NCALD: variants seen among roughly 807,000 people sequenced by gnomAD.
NCALD encodes the protein neurocalcin delta.
In NCALD, 10 loss-of-function variants were observed where a neutral mutation model predicts 18.6. The ratio of observed to expected loss-of-function variants is 0.54; its 90% CI spans 0.33 to 0.91. The LOEUF (loss-of-function observed/expected upper bound fraction) is 0.91, where lower values mean the gene tolerates loss of function less well. Ranked by LOEUF, NCALD falls within the 40% of genes least tolerant of loss-of-function variation. NCALD has a pLI of 0.03. For synonymous variants in NCALD, 88 were observed against 87.4 expected, an observed-to-expected ratio of 1.01 and a Z score of -0.04; for missense variants, 184 against 247.6, an observed-to-expected ratio of 0.74 and a Z score of 1.72.
chr8:102,081,158 C>A (rs981577453), intron 1 of NCALD, among the ~76,000 whole-genome samples: 1 of 152,106 alleles, frequency 6.6e-6, no homozygotes, highest in African/African-American at 2.4e-5. Flanking sequence ...TCTTTTATGA[C>A]CCTTTCTGTT....
At chr8:101,800,604 T>C (rs922233311) in intron 4 of NCALD, among the ~76,000 whole-genome samples, 2 of 151,804 alleles carry the variant, frequency 1.3e-5, no homozygotes, top group Non-Finnish European at 2.9e-5. Context: ...TTAATAGATA[T>C]ATTCTAACTC....
upstream of NCALD, among the ~76,000 whole-genome samples, chr8:101,793,279 G>C (rs1425926681): frequency 6.6e-6 from 1 of 151,806 alleles, no homozygotes; most frequent in Non-Finnish European, 1.5e-5. Flanking sequence ...GAACCTGGGA[G>C]GTGGAGGTTG....
chr8:101,907,968 C>A (rs193196620), intron 3 of NCALD, among the ~76,000 whole-genome samples: 3 of 152,324 alleles, frequency 2.0e-5, no homozygotes, highest in South Asian at 2.1e-4. Flanking sequence ...GGGCTCCCCC[C>A]ATTCTTTAAA....
chr8:102,058,986 AAGGGATTTTCCCCT>A (rs1823750521), intron 1 of NCALD, among the ~76,000 whole-genome samples: 1 of 152,162 alleles, frequency 6.6e-6, no homozygotes, highest in Admixed American at 6.5e-5. Context: ...AAGGCACAAA[AAGGGATTTTCCCCT>A]AAAGTCTCCA....
At chr8:101,720,711 A>G (rs1379672169) in intron 1 of NCALD, among the ~76,000 whole-genome samples, 1 of 152,192 alleles carries the variant, frequency 6.6e-6, no homozygotes. Context: ...AGAATGATTT[A>G]TTTTCCTGAG....
At chr8:102,041,219 A>G (rs1586966186) in intron 1 of NCALD, among the ~76,000 whole-genome samples, 1 of 152,178 alleles carries the variant, frequency 6.6e-6, no homozygotes, top group East Asian at 1.9e-4. Flanking sequence ...ACACATGCCC[A>G]ATGTCCCCTT....
At chr8:101,906,449 C>T (rs1817614131) in intron 3 of NCALD, among the ~76,000 whole-genome samples, 1 of 152,156 alleles carries the variant, frequency 6.6e-6, no homozygotes. Flanking sequence ...AATGATGACT[C>T]AACTTTGCCA....
At chr8:101,808,896 G>A (rs1813206051) in intron 4 of NCALD, among the ~76,000 whole-genome samples, 1 of 151,738 alleles carries the variant, frequency 6.6e-6, no homozygotes, top group South Asian at 2.1e-4. Flanking sequence ...AGAGAGAGAG[G>A]GAGAGAGACA....
At chr8:101,956,711 T>C (rs1484917209) in intron 2 of NCALD, among the ~76,000 whole-genome samples, 3 of 152,042 alleles carry the variant, frequency 2.0e-5, no homozygotes, top group African/African-American at 4.8e-5. Flanking sequence ...AGAAATTATA[T>C]GTACAACAAG....
intron 4 of NCALD, among the ~76,000 whole-genome samples, chr8:101,848,298 A>G (rs1563824017): frequency 6.6e-6 from 1 of 152,146 alleles, no homozygotes; most frequent in East Asian, 1.9e-4. Context: ...TATGGGGAGA[A>G]TAGGAAGGGA....
At chr8:102,103,832 T>C (rs1825363441) in intron 1 of NCALD, among the ~76,000 whole-genome samples, 1 of 152,210 alleles carries the variant, frequency 6.6e-6, no homozygotes, top group African/African-American at 2.4e-5. Context: ...TTTTGGCATA[T>C]GAGGGGACTT....
At chr8:101,908,954 G>C (rs936160545) in intron 3 of NCALD, among the ~76,000 whole-genome samples, 1 of 152,130 alleles carries the variant, frequency 6.6e-6, no homozygotes, top group African/African-American at 2.4e-5. Flanking sequence ...AAATGGGCCA[G>C]TTTTCCAAAA....
intron 4 of NCALD, among the ~76,000 whole-genome samples, chr8:101,847,595 G>T (rs1814921588): frequency 6.6e-6 from 1 of 152,126 alleles, no homozygotes; most frequent in Non-Finnish European, 1.5e-5. Context: ...TTGTTTGGGG[G>T]TCCATGTTAT....
At chr8:102,107,384 A>G (rs1436768491) in intron 1 of NCALD, among the ~76,000 whole-genome samples, 1 of 151,926 alleles carries the variant, frequency 6.6e-6, no homozygotes, top group African/African-American at 2.4e-5. Flanking sequence ...TTTGTTTGGC[A>G]TTCTTTTCTA....
At position 102,007,305 on chromosome 8, in the gene NCALD, C is replaced by T. The variant is rs139594251; in HGVS notation, c.-157+12932G>A. Among the ~76,000 whole-genome samples, 547 of 152,318 alleles carry T rather than the reference C, an allele frequency of 3.6e-3. 2 individuals carry two copies. Among genetic ancestry groups the T allele is most frequent in the African/African-American group, 0.013 (522 of 41,572 alleles). On this transcript the variant is annotated intron_variant, in intron 2 of 6. Coordinates refer to the NCALD transcript ENST00000311028. ...GGAAATACAGGAACTCTTTGTACTACATTTGCAACATTTTGTTTCAACATT... is the reference window on the plus strand; with the variant it reads ...GGAAATACAGGAACTCTTTGTACTATATTTGCAACATTTTGTTTCAACATT...
At chr8:101,732,252 A>G (rs1446728131) in intron 1 of NCALD, among the ~76,000 whole-genome samples, 2 of 152,194 alleles carry the variant, frequency 1.3e-5, no homozygotes, top group African/African-American at 4.8e-5. Flanking sequence ...CCATAAAACA[A>G]AACAGTCGGC....
chr8:102,072,580 G>C (rs892705539), intron 1 of NCALD, among the ~76,000 whole-genome samples: 2 of 152,092 alleles, frequency 1.3e-5, no homozygotes, highest in African/African-American at 4.8e-5. Flanking sequence ...AAAAGCCAGA[G>C]AGAGAGCAGA....
intron 4 of NCALD, among the ~76,000 whole-genome samples, chr8:101,836,399 C>T (rs574328058): frequency 7.4e-4 from 112 of 152,342 alleles, no homozygotes; most frequent in African/African-American, 2.6e-3. Flanking sequence ...TGCAGAGACT[C>T]ACTTACCCGT....
At chr8:101,703,697 C>A (rs1036093698) in intron 2 of NCALD, among the ~76,000 whole-genome samples, 1 of 152,152 alleles carries the variant, frequency 6.6e-6, no homozygotes, top group African/African-American at 2.4e-5. Flanking sequence ...TATGTGATAC[C>A]TGGTGGACTC....
Sources: gnomAD v4.1 joint callset for allele counts (sites outside exome capture counted in the v4.1 genomes callset) on GRCh38, gnomAD v4.1.1 for gene constraint, MANE v1.5 for transcripts, NCBI Gene and HGNC (gene_info 2026-07-23, HGNC 2026-07-21) for gene names.